The following CFAP52 variants were observed in gnomAD, a reference collection of about 807,000 sequenced individuals.
CFAP52 encodes cilia- and flagella-associated protein 52.
CFAP52 carries 57 observed loss-of-function variants against 70.5 expected under a neutral mutation model. The observed-to-expected ratio is 0.81, with a 90% confidence interval of 0.65 to 1.01. The LOEUF (loss-of-function observed/expected upper bound fraction) is 1.01. Ranked by LOEUF, CFAP52 falls within the 50% of genes least tolerant of loss-of-function variation. CFAP52 has a pLI of 0.00. For missense variants in CFAP52, 785 were observed against 788.5 expected (o/e 1.00, Z 0.05); for synonymous variants, 267 against 292.5 (o/e 0.91, Z 0.89).
Position 9,598,284 on chromosome 17 carries a change from C to T in CFAP52, c.587C>T (p.Pro196Leu), listed in dbSNP as rs779869707. Residue 196 changes from proline to leucine, a missense_variant, in exon 5 of 14, where the codon CCA becomes CTA. Physicochemically the swap from Pro to Leu is moderately conservative, Grantham distance 98. Transcript: ENST00000352665. The stretch of plus-strand genomic sequence containing the variant: ...GATCTTCCAAATAGAAAAATCTGGC[C>T]AACTGAGTGCCAAACAGGACAGTTG... ...ELDLPNRKIW[P>L]TECQTGQLKR... 9 of 1,613,214 alleles carry T rather than the reference C, an allele frequency of 5.6e-6. No individual in the cohort carries two copies. The Admixed American group carries it at 1.3e-4, about 24-fold the overall frequency.
chr17:9,583,362 A>G (rs1337170054), intron 1 of CFAP52, among the ~76,000 whole-genome samples: 1 of 152,194 alleles, frequency 6.6e-6, no homozygotes, highest in Non-Finnish European at 1.5e-5. Flanking sequence ...ATAAAGCACC[A>G]AAATAAATTC....
intron 10 of CFAP52, among the ~76,000 whole-genome samples, chr17:9,634,904 T>A (rs907822360): frequency 6.6e-6 from 1 of 152,192 alleles, no homozygotes; most frequent in Non-Finnish European, 1.5e-5. Context: ...AATACACAGG[T>A]ATTTGGAAAT....
At chr17:9,592,535 C>T (rs1020037389) in intron 3 of CFAP52, among the ~76,000 whole-genome samples, 1 of 151,658 alleles carries the variant, frequency 6.6e-6, no homozygotes, top group Non-Finnish European at 1.5e-5. Context: ...CCTCCTCCTC[C>T]AAGCCCCAGG....
At chr17:9,631,870 C>T (rs780725087) in intron 9 of CFAP52, among the ~76,000 whole-genome samples, 1 of 149,042 alleles carries the variant, frequency 6.7e-6, no homozygotes, top group Admixed American at 6.7e-5. Context: ...CGGGTTCAAG[C>T]GATTCTCCTG....
chr17:9,623,670 TTTTGTTTGTTTG>T (rs112696029), intron 8 of CFAP52, among the ~76,000 whole-genome samples: 10 of 151,052 alleles, frequency 6.6e-5, no homozygotes, highest in Admixed American at 1.3e-4. Flanking sequence ...GCTTAGCTTT[TTTTGTTTGTTTG>T]TTTGTTTGTT....
At chr17:9,608,028 G>T (rs927523937) in intron 6 of CFAP52, 91 bp from the exon 7 acceptor site, 14 of 907,040 alleles carry the variant, frequency 1.5e-5, no homozygotes, top group South Asian at 5.8e-5. Context: ...ATGTTTTTGG[G>T]GAACAGGTGG....
intron 6 of CFAP52, among the ~76,000 whole-genome samples, chr17:9,601,366 C>G (rs1909262509): frequency 6.6e-6 from 1 of 151,852 alleles, no homozygotes; most frequent in Non-Finnish European, 1.5e-5. Flanking sequence ...ACATATGTAA[C>G]AAACCTGCAC....
In CFAP52 at chr17:9,608,219, A is replaced by G. The variant is rs200206387; in HGVS notation, c.854A>G (p.Lys285Arg). 4.4e-6 allele frequency: 7 copies of G among 1,604,002 alleles called. No homozygotes were observed. The South Asian group carries it at 5.6e-5, about 13-fold the overall frequency. ...FCKSPGYKPI[K>R]KIQLQGGITS... ...AAAAGCCCTGGCTACAAACCCATCA[A>G]GTAAGTTCCGGGTCTCACACAGTGG... is the stretch of plus-strand genomic sequence containing the variant. Residue 285 changes from lysine (K) to arginine (R), a missense_variant and splice_region_variant, in exon 7 of 14, where the codon AAG becomes AGG. Physicochemically the swap from Lys to Arg is conservative, Grantham distance 26. Transcript: ENST00000352665.
intron 12 of CFAP52, among the ~76,000 whole-genome samples, chr17:9,640,950 A>G (rs879736056): frequency 1.3e-5 from 2 of 152,186 alleles, no homozygotes; most frequent in African/African-American, 2.4e-5. Flanking sequence ...AGCTGGCCGT[A>G]TCGCATTTTC....
At chr17:9,628,114 T>C (rs1041786166) in intron 8 of CFAP52, among the ~76,000 whole-genome samples, 8 of 152,122 alleles carry the variant, frequency 5.3e-5, no homozygotes, top group African/African-American at 1.7e-4. Flanking sequence ...TAAATTGGCT[T>C]ATTCTTTTTG....
At chr17:9,600,537 C>A (rs1909220473) in intron 6 of CFAP52, among the ~76,000 whole-genome samples, 1 of 152,106 alleles carries the variant, frequency 6.6e-6, no homozygotes, top group South Asian at 2.1e-4. Flanking sequence ...GCCACCATGC[C>A]CGGACAAAGC....
At chr17:9,603,326 A>G (rs972087586) in intron 6 of CFAP52, among the ~76,000 whole-genome samples, 32 of 152,094 alleles carry the variant, frequency 2.1e-4, no homozygotes, top group Admixed American at 8.5e-4. Context: ...CTCCTGACTC[A>G]GTCTCCAGAG....
At chr17:9,579,922 T>C (rs1010917409) in intron 1 of CFAP52, among the ~76,000 whole-genome samples, 1 of 152,210 alleles carries the variant, frequency 6.6e-6, no homozygotes, top group African/African-American at 2.4e-5. Context: ...TTGACACTTG[T>C]AGGTATTGCA....
chr17:9,610,230 C>T (rs143697444), intron 7 of CFAP52: 167 of 152,274 alleles, frequency 1.1e-3, no homozygotes, highest in African/African-American at 3.9e-3. Context: ...TGGGTTATCT[C>T]TGGATGTATG....
At chr17:9,596,051 A>ATGTGTGTGTGTG (rs10699113) in intron 4 of CFAP52, among the ~76,000 whole-genome samples, 6 of 77,422 alleles carry the variant, frequency 7.7e-5, no homozygotes, top group Admixed American at 1.6e-4. Context: ...GTAGATATAT[A>ATGTGTGTGTGTG]TGTGTGTGTA....
chr17:9,591,931 AG>A (rs1335239446), intron 3 of CFAP52, among the ~76,000 whole-genome samples: 3 of 152,208 alleles, frequency 2.0e-5, no homozygotes, highest in Non-Finnish European at 4.4e-5. Flanking sequence ...TGGCTTATAA[AG>A]AAACTGTGCT....
At chr17:9,581,421 G>A (rs1298867935) in intron 1 of CFAP52, among the ~76,000 whole-genome samples, 1 of 152,132 alleles carries the variant, frequency 6.6e-6, no homozygotes, top group East Asian at 1.9e-4. Context: ...ATAAACTAAT[G>A]AGGAAAGATG....
chr17:9,638,427 A>G (rs946947034), intron 11 of CFAP52, among the ~76,000 whole-genome samples, 182 bp from the exon 12 acceptor site: 1 of 152,214 alleles, frequency 6.6e-6, no homozygotes, highest in Non-Finnish European at 1.5e-5. Context: ...AGTAGAGAGG[A>G]CAGGGTGACC....
chr17:9,633,784 C>T (rs1452524286), intron 10 of CFAP52, among the ~76,000 whole-genome samples: 8 of 151,748 alleles, frequency 5.3e-5, no homozygotes, highest in East Asian at 1.9e-4. Context: ...TCACGCCATT[C>T]GCCTGCCTCA....
Sources: gnomAD v4.1 joint callset for allele counts (sites outside exome capture counted in the v4.1 genomes callset) on GRCh38, gnomAD v4.1.1 for gene constraint, MANE v1.5 for transcripts, NCBI Gene and HGNC (gene_info 2026-07-23, HGNC 2026-07-21) for gene names.